DNAJA3: variants seen among roughly 807,000 people sequenced by gnomAD.
DNAJA3 encodes dnaJ homolog subfamily A member 3, mitochondrial.
In DNAJA3, 29 loss-of-function variants were observed where a neutral mutation model predicts 54.9. The observed-to-expected ratio is 0.53, with a 90% CI of 0.39 to 0.72. The LOEUF (loss-of-function observed/expected upper bound fraction) is 0.72, where lower values mean the gene tolerates loss of function less well. DNAJA3 is among the 30% of genes least tolerant of loss of function. The pLI is 0.00. For missense variants in DNAJA3, 708 were observed against 639.4 expected (o/e 1.11, Z -1.16); for synonymous variants, 302 against 251.4 (o/e 1.20, Z -1.90).
At chr16:4,442,184 A>T in intron 4 of DNAJA3, 84 bp from the exon 5 acceptor site, 2 of 1,415,870 alleles carry the variant, frequency 1.4e-6, no homozygotes, top group Non-Finnish European at 1.9e-6. Context: ...AATGTGGGCC[A>T]GTACCCTCCT....
In DNAJA3 at chr16:4,450,458, G is replaced by A. The variant is rs572916748; in HGVS notation, c.1300G>A (p.Val434Met). The A allele has an allele frequency of 6.2e-7, 1 of 1,612,376 alleles. No individual in the cohort carries two copies. The highest frequency in any genetic ancestry group is 2.2e-5 in the East Asian group (1 of 44,854). Residue 434 changes from valine to methionine, a missense_variant, in exon 10 of 12, where the codon GTG becomes ATG. Transcript: ENST00000262375. ...GAGCTACGCCGAGGACGAGACAGAT[G>A]TGGAGGGGACGGTGAACGGCGTCAC... Reference protein sequence around the residue: ...ILSYAEDETDVEGTVNGVTLT... With the variant: ...ILSYAEDETDMEGTVNGVTLT...
At chr16:4,428,210 C>T (rs1415703574) in intron 1 of DNAJA3, among the ~76,000 whole-genome samples, 8 of 152,126 alleles carry the variant, frequency 5.3e-5, no homozygotes, top group African/African-American at 7.2e-5. Flanking sequence ...CTCAGCCTCC[C>T]AAAGTGCTGG....
chr16:4,447,082 A>G, intron 8 of DNAJA3, 68 bp downstream of exon 8: 2 of 1,560,586 alleles, frequency 1.3e-6, no homozygotes, highest in South Asian at 2.4e-5. Context: ...ATGGAAAAGA[A>G]CTGACCAGTG....
At chr16:4,455,496 G>A (rs2057025502) in intron 11 of DNAJA3, 50 bp from the exon 12 acceptor site, 1 of 1,548,402 alleles carries the variant, frequency 6.5e-7, no homozygotes, top group African/African-American at 1.4e-5. Flanking sequence ...ACAGGGGTGT[G>A]TTCCCTTGAA....
At chr16:4,449,703 A>T (rs1217620187) in intron 9 of DNAJA3, 1 of 152,218 alleles carries the variant, frequency 6.6e-6, no homozygotes, top group East Asian at 1.9e-4. Context: ...TGTTACTAGC[A>T]CTGTTAGGAG....
Position 4,444,745 on chromosome 16 carries a change from G to GCA in DNAJA3, c.996+20_996+21dup, listed in dbSNP as rs1567331094. On this transcript the variant is annotated intron_variant, in intron 7 of 11. Coordinates refer to ENST00000262375, the MANE Select transcript of DNAJA3 (RefSeq NM_005147.6). Reference sequence around the variant, plus strand: ...ACGTTCAGGGTAGGTGCCCTGCCCCGCACAGCTTCTGTTGGGCCTTTCCTC... The same window carrying GCA: ...ACGTTCAGGGTAGGTGCCCTGCCCCGCACACAGCTTCTGTTGGGCCTTTCCTC... The GCA allele has an allele frequency of 6.2e-7, 1 of 1,610,694 alleles. No homozygotes were observed. The highest frequency in any genetic ancestry group is 1.1e-5 in the South Asian group (1 of 90,754).
chr16:4,455,033 A>G (rs2057019570), intron 11 of DNAJA3, 106 bp downstream of exon 11: 2 of 770,572 alleles, frequency 2.6e-6, no homozygotes, highest in African/African-American at 1.7e-5. Flanking sequence ...AGGAGTTGGA[A>G]CAGGTGCCAG....
At chr16:4,434,686 A>G (rs1232758688) in intron 2 of DNAJA3, among the ~76,000 whole-genome samples, 169 bp downstream of exon 2, 2 of 152,124 alleles carry the variant, frequency 1.3e-5, no homozygotes, top group East Asian at 1.9e-4. Flanking sequence ...TCGATGCACA[A>G]TGCTGTAGAG....
intron 9 of DNAJA3, chr16:4,450,134 T>C (rs1186629955): frequency 7.4e-6 from 3 of 403,426 alleles, no homozygotes; most frequent in Non-Finnish European, 1.3e-5. Context: ...TGGTAAAATC[T>C]GTTTCCCCTC....
At chr16:4,430,501 T>G (rs2056683644) in intron 1 of DNAJA3, 2 of 150,546 alleles carry the variant, frequency 1.3e-5, no homozygotes, top group African/African-American at 4.9e-5. Flanking sequence ...AGGCAGAGGT[T>G]GCAGTGAGCC....
At chr16:4,438,758 C>T (rs1457224174) in intron 3 of DNAJA3, among the ~76,000 whole-genome samples, 1 of 149,182 alleles carries the variant, frequency 6.7e-6, no homozygotes, top group Admixed American at 6.8e-5. Flanking sequence ...ATTATAGGTG[C>T]AAGGCACCAG....
Position 4,441,396 on chromosome 16 carries a change from A to G in DNAJA3, c.451A>G (p.Arg151Gly). 1 of 1,613,666 alleles carries G rather than the reference A, an allele frequency of 6.2e-7. No individual in the cohort carries two copies. Among genetic ancestry groups the G allele is most frequent in the South Asian group, 1.1e-5 (1 of 91,052 alleles). ...GTAGGTTTTGAGTGATGAGGTGAAGAGGAAGCAGTACGATGCCTACGGCTC... is the reference window on the plus strand; with the variant it reads ...GTAGGTTTTGAGTGATGAGGTGAAGGGGAAGCAGTACGATGCCTACGGCTC... Reference protein sequence around the residue: ...AYEVLSDEVKRKQYDAYGSAG... With the variant: ...AYEVLSDEVKGKQYDAYGSAG... Residue 151 changes from arginine to glycine, a missense_variant, in exon 4 of 12, where the codon AGG becomes GGG. By Grantham distance (125) the Arg-to-Gly change is moderately radical. Coordinates refer to ENST00000262375, the MANE Select transcript of DNAJA3 (RefSeq NM_005147.6).
intron 1 of DNAJA3, among the ~76,000 whole-genome samples, chr16:4,426,610 CTCTT>C (rs1337055819): frequency 6.6e-6 from 1 of 152,222 alleles, no homozygotes; most frequent in African/African-American, 2.4e-5. Context: ...ATAGTTTACG[CTCTT>C]TCTACCACGT....
chr16:4,445,511 G>A (rs554615927), intron 7 of DNAJA3, among the ~76,000 whole-genome samples: 2 of 152,324 alleles, frequency 1.3e-5, no homozygotes, highest in East Asian at 3.9e-4. Flanking sequence ...GTGGTTAGCT[G>A]AGGAGGGCAA....
At chr16:4,440,021 C>T (rs928188995) in intron 3 of DNAJA3, among the ~76,000 whole-genome samples, 1 of 152,112 alleles carries the variant, frequency 6.6e-6, no homozygotes, top group Non-Finnish European at 1.5e-5. Context: ...CAGCCTCAAC[C>T]TCAACCTCCG....
At chr16:4,434,581 T>C in intron 2 of DNAJA3, 64 bp downstream of exon 2, 1 of 1,577,794 alleles carries the variant, frequency 6.3e-7, no homozygotes, top group Non-Finnish European at 8.6e-7. Context: ...TCCCATGTGA[T>C]CCTGATCAGT....
intron 1 of DNAJA3, 125 bp from the exon 2 acceptor site, chr16:4,434,259 G>A: frequency 9.2e-7 from 1 of 1,084,934 alleles, no homozygotes; most frequent in South Asian, 1.4e-5. Context: ...ATCTGGGTGG[G>A]GACACAGCCA....
At chr16:4,439,103 T>C (rs1849779253) in intron 3 of DNAJA3, among the ~76,000 whole-genome samples, 1 of 151,842 alleles carries the variant, frequency 6.6e-6, no homozygotes, top group South Asian at 2.1e-4. Context: ...CCCAGCACTT[T>C]GGGAGGCCAA....
chr16:4,437,112 A>C (rs1408830908), intron 2 of DNAJA3, among the ~76,000 whole-genome samples: 1 of 152,184 alleles, frequency 6.6e-6, no homozygotes, highest in Non-Finnish European at 1.5e-5. Flanking sequence ...CTGGGACCAC[A>C]GGCATGTGCC....
Sources: gnomAD v4.1 joint callset for allele counts (sites outside exome capture counted in the v4.1 genomes callset) on GRCh38, gnomAD v4.1.1 for gene constraint, MANE v1.5 for transcripts, NCBI Gene and HGNC (gene_info 2026-07-23, HGNC 2026-07-21) for gene names.